The following KLF7 variants were observed in gnomAD, a reference collection of about 807,000 sequenced individuals.
The protein encoded by KLF7 is Krueppel-like factor 7.
In KLF7, 2 loss-of-function variants were observed where a neutral mutation model predicts 27.3. That is an observed-to-expected ratio of 0.07 (90% confidence interval 0.03 to 0.23). The LOEUF (loss-of-function observed/expected upper bound fraction) is 0.23. Ranked by LOEUF, KLF7 falls within the 10% of genes least tolerant of loss-of-function variation. KLF7 has a pLI of 1.00. For synonymous variants in KLF7, 165 were observed against 162.4 expected, an observed-to-expected ratio of 1.02 and a Z score of -0.12; for missense variants, 221 against 394.1, an observed-to-expected ratio of 0.56 and a Z score of 3.72.
In KLF7 at chr2:207,106,454, G is replaced by GA. The variant is rs1377652027; in HGVS notation, c.733+17319dup. On this transcript the variant is annotated intron_variant, in intron 2 of 3. Coordinates refer to ENST00000309446, the MANE Select transcript of KLF7 (RefSeq NM_003709.4). ...ATTTAGAAAGCAGTGCCCATGAGAT[G>GA]AAAAAAAATTGATTGAAAGGACATC... Among the ~76,000 whole-genome samples, 2 of 151,956 alleles carry GA rather than the reference G, an allele frequency of 1.3e-5. 1 individual carries two copies. Among genetic ancestry groups the GA allele is most frequent in the African/African-American group, 4.8e-5 (2 of 41,380 alleles).
At chr2:207,086,934 A>G (rs2076402122) in intron 3 of KLF7, among the ~76,000 whole-genome samples, 1 of 152,236 alleles carries the variant, frequency 6.6e-6, no homozygotes, top group Non-Finnish European at 1.5e-5. Context: ...CTCTCCTTCA[A>G]AAGACTATGG....
chr2:207,135,819 GA>G lies in KLF7; in HGVS notation c.103-11416del, dbSNP rs3216675. The stretch of plus-strand genomic sequence containing the variant: ...ACTTGTCTCTAACGTTTTTCATTTG[GA>G]AAAAAAAAAAATTAAATGCTTACTG... On this transcript the variant is annotated intron_variant, in intron 1 of 3. Transcript: ENST00000309446. Among the ~76,000 whole-genome samples, 223 of 145,220 alleles carry G rather than the reference GA, an allele frequency of 1.5e-3. 2 individuals are homozygous for G. The highest frequency in any genetic ancestry group is 3.9e-3 in the African/African-American group (157 of 39,806).
chr2:207,123,474 C>T (rs1006067872), intron 2 of KLF7, among the ~76,000 whole-genome samples: 4 of 152,200 alleles, frequency 2.6e-5, no homozygotes, highest in Admixed American at 1.3e-4. Flanking sequence ...AGGAAAGCGA[C>T]AAGTGTCTGT....
At chr2:207,171,159 G>C (rs2078781604), upstream of KLF7, among the ~76,000 whole-genome samples, 1 of 151,334 alleles carries the variant, frequency 6.6e-6, no homozygotes, top group Non-Finnish European at 1.5e-5. Context: ...GACTTTGAGG[G>C]GTTCAAGACT....
At chr2:207,087,460 G>A (rs1017086546) in intron 3 of KLF7, among the ~76,000 whole-genome samples, 5 of 152,158 alleles carry the variant, frequency 3.3e-5, no homozygotes, top group African/African-American at 1.2e-4. Context: ...GTGGGACACA[G>A]GGACTGGGGG....
At chr2:207,169,266 C>T (rs866459085), upstream of KLF7, among the ~76,000 whole-genome samples, 1 of 152,150 alleles carries the variant, frequency 6.6e-6, no homozygotes, top group African/African-American at 2.4e-5. Flanking sequence ...ATTATCCCCC[C>T]ACCCGGGGGG....
chr2:207,149,443 T>A (rs1214810353), intron 1 of KLF7, among the ~76,000 whole-genome samples: 1 of 152,250 alleles, frequency 6.6e-6, no homozygotes, highest in Non-Finnish European at 1.5e-5. Flanking sequence ...AAATCTCTGA[T>A]GATCCATCCC....
intron 1 of KLF7, among the ~76,000 whole-genome samples, chr2:207,137,943 G>A (rs1314264623): frequency 6.6e-6 from 1 of 152,118 alleles, no homozygotes; most frequent in East Asian, 1.9e-4. Context: ...CAATGTTGCA[G>A]ATTTCAAATT....
intron 1 of KLF7, chr2:207,148,971 C>A (rs1225203009): frequency 9.1e-7 from 1 of 1,100,376 alleles, no homozygotes; most frequent in Non-Finnish European, 1.1e-6. Flanking sequence ...TATGATATAC[C>A]CAGTCATTAC....
intron 1 of KLF7, among the ~76,000 whole-genome samples, chr2:207,156,315 GT>G (rs2078382326): frequency 6.6e-6 from 1 of 152,216 alleles, no homozygotes; most frequent in African/African-American, 2.4e-5. Context: ...TTGCCGGAAT[GT>G]CCTCAGCAGC....
intron 1 of KLF7, among the ~76,000 whole-genome samples, chr2:207,150,531 C>T (rs1461521374): frequency 2.6e-5 from 4 of 152,176 alleles, no homozygotes; most frequent in Non-Finnish European, 4.4e-5. Flanking sequence ...ACAATTACAC[C>T]GTACAGCATG....
intron 2 of KLF7, chr2:207,110,187 C>T (rs1404702644): frequency 5.8e-5 from 9 of 154,660 alleles, no homozygotes; most frequent in Non-Finnish European, 5.9e-5. Context: ...CAATTTAAAT[C>T]CTTTTACCTG....
intron 1 of KLF7, among the ~76,000 whole-genome samples, chr2:207,150,437 T>C (rs2078210276): frequency 6.6e-6 from 1 of 152,000 alleles, no homozygotes; most frequent in Non-Finnish European, 1.5e-5. Context: ...GAAAACTGAA[T>C]AGAAATCATA....
chr2:207,126,451 T>C (rs1257229421), intron 1 of KLF7, among the ~76,000 whole-genome samples: 1 of 152,192 alleles, frequency 6.6e-6, no homozygotes, highest in Non-Finnish European at 1.5e-5. Flanking sequence ...TCAATAGCCA[T>C]CTTTGAAACC....
In KLF7 at chr2:207,165,843, G is replaced by A. The variant is rs1160268946; in HGVS notation, c.-275C>T. 1.7e-5 allele frequency: 22 copies of A among 1,300,680 alleles called. No homozygotes were observed. In the East Asian group the frequency reaches 5.8e-4, roughly 35 times the overall value. 80.6% of individuals were successfully genotyped at this position (1,300,680 alleles called of 1,614,324 possible). ...GCCAGGAAAAGGGGACTTCTCCACG[G>A]GAGTAACAATTCCCTTCCAGGGCTC... On this transcript the variant is annotated 5_prime_UTR_variant, in exon 1 of 4. Coordinates refer to ENST00000309446, the MANE Select transcript of KLF7 (RefSeq NM_003709.4).
rs2076187869 is a variant in KLF7 at position 207,077,073 on chromosome 2, A to C, written c.*4140T>G. On this transcript the variant is annotated 3_prime_UTR_variant, in exon 4 of 4. Coordinates refer to ENST00000309446, the MANE Select transcript of KLF7 (RefSeq NM_003709.4). The stretch of plus-strand genomic sequence containing the variant: ...TCCTGCTCCTAAAAGCAACTCATGC[A>C]AAAGAGAAGACAGAAGCACTTCCCA... The C allele has an allele frequency of 6.6e-6, 1 of 152,232 alleles. No individual in the cohort carries two copies. Among genetic ancestry groups the C allele is most frequent in the Non-Finnish European group, 1.5e-5 (1 of 68,046 alleles). The allele number at this position is 152,232 out of a possible 1,614,324, so 9.4% of individuals were successfully genotyped here.
intron 1 of KLF7, among the ~76,000 whole-genome samples, chr2:207,153,854 A>G (rs2078312128): frequency 6.6e-6 from 1 of 152,220 alleles, no homozygotes; most frequent in Non-Finnish European, 1.5e-5. Flanking sequence ...GTAGCTAAGA[A>G]AACACAAATA....
intron 1 of KLF7, among the ~76,000 whole-genome samples, chr2:207,152,206 T>C (rs192144304): frequency 2.0e-3 from 305 of 149,618 alleles, no homozygotes; most frequent in African/African-American, 7.1e-3. Context: ...CAGCGGTTAA[T>C]GGAATTCTCT....
At chr2:207,095,031 CTTTTTTTTTTTTTTT>C (rs36091471) in intron 2 of KLF7, among the ~76,000 whole-genome samples, 1 of 82,418 alleles carries the variant, frequency 1.2e-5, no homozygotes, top group Non-Finnish European at 2.2e-5. Flanking sequence ...TGTTTTTATT[CTTTTTTTTTTTTTTT>C]TTTTTTTTTT....
Sources: allele counts gnomAD v4.1 joint callset (sites outside exome capture counted in the v4.1 genomes callset), GRCh38; gene constraint gnomAD v4.1.1; transcripts MANE v1.5; gene names NCBI Gene and HGNC (gene_info 2026-07-23, HGNC 2026-07-21).